IGSF5: variants seen among roughly 807,000 people sequenced by gnomAD.
The protein encoded by IGSF5 is immunoglobulin superfamily member 5.
A neutral mutation model predicts 39.4 loss-of-function variants in IGSF5; 41 were observed. The observed-to-expected ratio is 1.04, with a 90% CI of 0.81 to 1.35. The LOEUF is 1.35. Ranked by LOEUF, IGSF5 falls within the 40% of genes most tolerant of loss-of-function variation. IGSF5 has a pLI of 0.00. For missense variants in IGSF5, 487 were observed against 494.6 expected (o/e 0.98, Z 0.15); for synonymous variants, 183 against 175.3 (o/e 1.04, Z -0.34).
At chr21:39,754,794 T>C (rs111269806) in intron 2 of IGSF5, among the ~76,000 whole-genome samples, 1,637 of 152,346 alleles carry the variant, frequency 0.011, 24 homozygotes, top group African/African-American at 0.038. Flanking sequence ...GGCATATGTC[T>C]TTAATTAAAG....
chr21:39,761,383 C>T (rs1378307673), intron 2 of IGSF5, among the ~76,000 whole-genome samples: 2 of 152,270 alleles, frequency 1.3e-5, no homozygotes, highest in South Asian at 2.1e-4. Context: ...GCAATTGCAA[C>T]AAAACCAAAA....
Position 39,792,022 on chromosome 21 carries a change from A to C in IGSF5, c.971A>C (p.Glu324Ala). 6.2e-7 allele frequency: 1 copy of C among 1,607,914 alleles called. No homozygotes were observed. The highest frequency in any genetic ancestry group is 8.5e-7 in the Non-Finnish European group (1 of 1,176,536). ...TCTAATTGTAGGAAATCTGAAAAAG[A>C]GAAGACAAACAAAGAAACTGAGACA... ...RIQFQKKSEK[E>A]KTNKETETES... Residue 324 changes from glutamate (E) to alanine (A), a missense_variant, in exon 7 of 9, where the codon GAG becomes GCG. Glu to Ala is a moderately radical substitution (Grantham distance 107, BLOSUM62 -1). Coordinates refer to ENST00000380588, the MANE Select transcript of IGSF5 (RefSeq NM_001080444.2).
chr21:39,720,903 C>T, the IGSF5 span, among the ~76,000 whole-genome samples: 1 of 152,042 alleles, frequency 6.6e-6, no homozygotes, highest in South Asian at 2.1e-4. Flanking sequence ...TATTTAACAA[C>T]AACAAAAAAT....
chr21:39,752,347 C>CT lies in IGSF5; in HGVS notation c.100+6058dup, dbSNP rs34376805. ...TGCTGCAAAATATGTTATTTTATTC[C>CT]TTTTTTTTTATGACTAAGTAGTAGT... On this transcript the variant is annotated intron_variant, in intron 2 of 8. Coordinates refer to ENST00000380588, the MANE Select transcript of IGSF5 (RefSeq NM_001080444.2). Among the ~76,000 whole-genome samples the CT allele has an allele frequency of 7.6e-4, 116 of 151,990 alleles. 1 individual carries two copies. The East Asian group carries it at 0.012, about 15-fold the overall frequency.
At chr21:39,715,511 T>C in the IGSF5 span, among the ~76,000 whole-genome samples, 1 of 152,224 alleles carries the variant, frequency 6.6e-6, no homozygotes, top group South Asian at 2.1e-4. Context: ...AACTTAGTTT[T>C]AGTCCAAGTT....
chr21:39,791,347 A>G (rs529561864), intron 6 of IGSF5, among the ~76,000 whole-genome samples: 99 of 152,296 alleles, frequency 6.5e-4, no homozygotes, highest in African/African-American at 2.1e-3. Flanking sequence ...TCAAGTACAT[A>G]TTTATACATA....
At chr21:39,714,465 T>A in the IGSF5 span, among the ~76,000 whole-genome samples, 4 of 152,242 alleles carry the variant, frequency 2.6e-5, no homozygotes, top group South Asian at 2.1e-4. Flanking sequence ...ATACATGGTG[T>A]ATTTGTTTAC....
intron 2 of IGSF5, among the ~76,000 whole-genome samples, chr21:39,757,890 A>G (rs929721803): frequency 4.6e-5 from 7 of 152,006 alleles, no homozygotes; most frequent in Non-Finnish European, 8.8e-5. Flanking sequence ...GCTTTCTAAC[A>G]CTTCCCAGAT....
intron 2 of IGSF5, among the ~76,000 whole-genome samples, chr21:39,748,988 A>T (rs1418822563): frequency 6.6e-6 from 1 of 152,162 alleles, no homozygotes; most frequent in Non-Finnish European, 1.5e-5. Context: ...CTATCTTCTT[A>T]GGTTCAGCAC....
chr21:39,783,585 C>T lies in IGSF5; in HGVS notation c.934+4280C>T, dbSNP rs185724733. ...TAACATTGCATTGTTTTTTTGCTGT[C>T]GAGATGTTTGAGTTCCTTATATAGT... On this transcript the variant is annotated intron_variant, in intron 5 of 8. Coordinates refer to ENST00000380588, the MANE Select transcript of IGSF5 (RefSeq NM_001080444.2). Among the ~76,000 whole-genome samples, 3 of 152,064 alleles carry T rather than the reference C, an allele frequency of 2.0e-5. 1 individual carries two copies. The highest frequency in any genetic ancestry group is 6.8e-3 in the Middle Eastern group (2 of 294).
At chr21:39,763,817 A>G (rs539233798) in intron 2 of IGSF5, among the ~76,000 whole-genome samples, 88 of 152,288 alleles carry the variant, frequency 5.8e-4, no homozygotes, top group African/African-American at 2.1e-3. Flanking sequence ...TTAACAAGCA[A>G]TTCAGAGTTC....
At chr21:39,752,837 A>G (rs2080012110) in intron 2 of IGSF5, among the ~76,000 whole-genome samples, 1 of 151,508 alleles carries the variant, frequency 6.6e-6, no homozygotes, top group Non-Finnish European at 1.5e-5. Flanking sequence ...CCACTTTTTG[A>G]TAGACTTATT....
chr21:39,750,366 G>T (rs909094994), intron 2 of IGSF5, among the ~76,000 whole-genome samples: 5 of 152,078 alleles, frequency 3.3e-5, no homozygotes, highest in Non-Finnish European at 5.9e-5. Context: ...CCTTTCACTG[G>T]GTGTGGTGGC....
intron 2 of IGSF5, among the ~76,000 whole-genome samples, chr21:39,762,668 C>T (rs2410181): frequency 0.81 from 122,906 of 152,168 alleles, 49,810 homozygotes; most frequent in Admixed American, 0.85. Flanking sequence ...TTTCAAGATA[C>T]GGCAAATAAA....
chr21:39,760,606 C>G (rs1050406934), intron 2 of IGSF5, among the ~76,000 whole-genome samples: 2 of 151,676 alleles, frequency 1.3e-5, no homozygotes, highest in Non-Finnish European at 2.9e-5. Context: ...GAGTCTCACT[C>G]TGTCGTCAGG....
intron 2 of IGSF5, among the ~76,000 whole-genome samples, chr21:39,761,350 A>G (rs1292340538): frequency 6.6e-6 from 1 of 152,230 alleles, no homozygotes; most frequent in Non-Finnish European, 1.5e-5. Flanking sequence ...TTTGGCGAAA[A>G]ATTTATGGCT....
Position 39,779,182 on chromosome 21 carries a change from C to G in IGSF5, c.811C>G (p.Leu271Val). The G allele has an allele frequency of 6.2e-7, 1 of 1,614,110 alleles. No individual in the cohort carries two copies. Among genetic ancestry groups the G allele is most frequent in the Non-Finnish European group, 8.5e-7 (1 of 1,180,028 alleles). The change falls in exon 5 of 9, where the codon CTA (leucine) becomes GTA (valine). Residue 271 changes from leucine to valine, a missense_variant. Transcript: ENST00000380588. The part of the protein sequence containing the change: ...LPTWGKVGLG[L>V]AGTMLLTPTC... ...TACTTGGGGCAAAGTTGGACTTGGA[C>G]TAGCAGGCACCATGCTTCTGACGCC...
chr21:39,779,777 T>C (rs1251376699), intron 5 of IGSF5, among the ~76,000 whole-genome samples: 1 of 152,190 alleles, frequency 6.6e-6, no homozygotes, highest in African/African-American at 2.4e-5. Flanking sequence ...AAGGATATTA[T>C]GCTAAGTGAA....
intron 8 of IGSF5, among the ~76,000 whole-genome samples, chr21:39,796,979 G>A (rs1270076944): frequency 2.0e-5 from 3 of 152,120 alleles, no homozygotes; most frequent in Admixed American, 6.5e-5. Flanking sequence ...ACATACACTC[G>A]CTCTCTGCTC....
Sources: allele counts gnomAD v4.1 joint callset (sites outside exome capture counted in the v4.1 genomes callset), GRCh38; gene constraint gnomAD v4.1.1; transcripts MANE v1.5; gene names NCBI Gene and HGNC (gene_info 2026-07-23, HGNC 2026-07-21).